Variants in L3MBTL4 observed in about 807,000 individuals in gnomAD.
L3MBTL4 encodes the protein lethal(3)malignant brain tumor-like protein 4.
In L3MBTL4, 70 loss-of-function variants were observed where a neutral mutation model predicts 84.5. The ratio of observed to expected loss-of-function variants is 0.83; its 90% CI spans 0.68 to 1.01. The LOEUF is 1.01. L3MBTL4 is among the 50% of genes least tolerant of loss of function. The pLI is 0.00. For missense variants in L3MBTL4, 715 were observed against 754.8 expected, an observed-to-expected ratio of 0.95 and a Z score of 0.62; for synonymous variants, 274 against 259.8, an observed-to-expected ratio of 1.05 and a Z score of -0.52.
At chr18:6,359,847 G>T (rs1050070870) in intron 1 of L3MBTL4, among the ~76,000 whole-genome samples, 2 of 151,872 alleles carry the variant, frequency 1.3e-5, no homozygotes, top group Non-Finnish European at 2.9e-5. Context: ...CTCCTAGTGT[G>T]GGGGGCAAGC....
At chr18:6,267,149 A>G (rs2048670369) in intron 4 of L3MBTL4, among the ~76,000 whole-genome samples, 1 of 152,210 alleles carries the variant, frequency 6.6e-6, no homozygotes. Context: ...AACATAGCTA[A>G]TAAAGAAAAA....
intron 5 of L3MBTL4, among the ~76,000 whole-genome samples, chr18:6,251,398 A>G (rs1247306893): frequency 6.6e-6 from 1 of 152,268 alleles, no homozygotes; most frequent in Non-Finnish European, 1.5e-5. Context: ...AAGATAGAGA[A>G]GGAATAGTTA....
intron 16 of L3MBTL4, among the ~76,000 whole-genome samples, chr18:6,021,269 C>A (rs1362433455): frequency 6.6e-6 from 1 of 152,186 alleles, no homozygotes; most frequent in Non-Finnish European, 1.5e-5. Context: ...TCTGCAGAGG[C>A]AAAGGAATAT....
intron 16 of L3MBTL4, among the ~76,000 whole-genome samples, chr18:5,981,716 C>T (rs1471904687): frequency 6.6e-6 from 1 of 151,736 alleles, no homozygotes; most frequent in Non-Finnish European, 1.5e-5. Context: ...TCCGAAGACA[C>T]TTGAGTCCAG....
At chr18:6,169,725 G>A (rs934929313) in intron 13 of L3MBTL4, among the ~76,000 whole-genome samples, 2 of 151,600 alleles carry the variant, frequency 1.3e-5, no homozygotes, top group South Asian at 2.1e-4. Flanking sequence ...TATACCTAAT[G>A]CTAAATGGCG....
At chr18:6,030,962 A>G in intron 16 of L3MBTL4, 1 of 984,982 alleles carries the variant, frequency 1.0e-6, no homozygotes, top group Non-Finnish European at 1.2e-6. Flanking sequence ...CAATGAACGA[A>G]CAAACAAATT....
intron 13 of L3MBTL4, among the ~76,000 whole-genome samples, chr18:6,148,771 T>A (rs1256311304): frequency 6.6e-6 from 1 of 151,958 alleles, no homozygotes; most frequent in Non-Finnish European, 1.5e-5. Flanking sequence ...ATGTTAAGAG[T>A]TATTGGCATA....
chr18:6,138,367 A>C lies in L3MBTL4; in HGVS notation c.1097-71T>G, dbSNP rs1036647393. ...AAGACTGCAAATCTGAAATATGTAA[A>C]TGATGCTAATTAAGACTTTACAAAT... On this transcript the variant is annotated intron_variant, in intron 13 of 18. Coordinates refer to ENST00000317931, the MANE Select transcript of L3MBTL4 (RefSeq NM_001330559.2). 14 of 916,944 alleles carry C rather than the reference A, an allele frequency of 1.5e-5. No homozygotes were observed. In the Admixed American group the frequency reaches 1.8e-4, roughly 12 times the overall value. The allele number at this position is 916,944 out of a possible 1,614,324, so 56.8% of individuals were successfully genotyped here. A position where few individuals can be genotyped will look rare whatever the true frequency, so the allele number is the denominator to read the frequency against.
intron 14 of L3MBTL4, among the ~76,000 whole-genome samples, chr18:6,127,066 A>C (rs1288449927): frequency 2.6e-5 from 4 of 152,216 alleles, no homozygotes; most frequent in Non-Finnish European, 2.9e-5. Context: ...GTGCATAAAA[A>C]TTAAAGCCGT....
At chr18:6,153,715 A>G (rs779126633) in intron 13 of L3MBTL4, among the ~76,000 whole-genome samples, 3 of 152,156 alleles carry the variant, frequency 2.0e-5, no homozygotes, top group Non-Finnish European at 4.4e-5. Context: ...GGTTTTCCCC[A>G]TGCTGTTCTC....
intron 4 of L3MBTL4, among the ~76,000 whole-genome samples, chr18:6,298,228 T>A (rs1347155381): frequency 6.6e-6 from 1 of 152,194 alleles, no homozygotes; most frequent in Non-Finnish European, 1.5e-5. Flanking sequence ...TTTGGTAAGT[T>A]AAAAAATATC....
At chr18:6,361,400 A>T (rs2053688626) in intron 1 of L3MBTL4, among the ~76,000 whole-genome samples, 2 of 152,160 alleles carry the variant, frequency 1.3e-5, no homozygotes, top group Admixed American at 6.5e-5. Context: ...AAATTTTTGC[A>T]TGGGAAGTTG....
intron 4 of L3MBTL4, among the ~76,000 whole-genome samples, chr18:6,271,699 G>T (rs944202531): frequency 6.6e-6 from 1 of 152,216 alleles, no homozygotes; most frequent in Non-Finnish European, 1.5e-5. Context: ...AAGAAGAGCC[G>T]AGGTCAGGGG....
chr18:6,190,640 A>C (rs946701859), intron 12 of L3MBTL4, among the ~76,000 whole-genome samples: 36 of 152,212 alleles, frequency 2.4e-4, no homozygotes, highest in African/African-American at 8.4e-4. Flanking sequence ...TGAACAAAAC[A>C]GGGGAAAAAA....
At chr18:6,188,781 G>A (rs2044915428) in intron 12 of L3MBTL4, among the ~76,000 whole-genome samples, 1 of 152,258 alleles carries the variant, frequency 6.6e-6, no homozygotes, top group Non-Finnish European at 1.5e-5. Context: ...CACAGAGGCT[G>A]TGGGGAGGGC....
At chr18:6,171,033 A>T (rs1420449767) in intron 13 of L3MBTL4, among the ~76,000 whole-genome samples, 1 of 152,162 alleles carries the variant, frequency 6.6e-6, no homozygotes, top group Admixed American at 6.5e-5. Context: ...TTAGTCAGGG[A>T]TTCTTCTCAT....
intron 10 of L3MBTL4, among the ~76,000 whole-genome samples, chr18:6,226,113 A>G (rs2046772087): frequency 6.6e-6 from 1 of 151,570 alleles, no homozygotes; most frequent in East Asian, 1.9e-4. Flanking sequence ...AAATCACTGT[A>G]AAAGATAATG....
chr18:6,156,970 A>C (rs977643340), intron 13 of L3MBTL4, among the ~76,000 whole-genome samples: 2 of 152,244 alleles, frequency 1.3e-5, no homozygotes, highest in Non-Finnish European at 2.9e-5. Flanking sequence ...AAGTAAATGG[A>C]TTCTGCCCTC....
At chr18:6,007,193 T>C (rs2054525571) in intron 16 of L3MBTL4, among the ~76,000 whole-genome samples, 1 of 152,074 alleles carries the variant, frequency 6.6e-6, no homozygotes, top group African/African-American at 2.4e-5. Flanking sequence ...AAAAACCATT[T>C]GCGACTCATA....
Sources: gnomAD v4.1 joint callset for allele counts (sites outside exome capture counted in the v4.1 genomes callset) on GRCh38, gnomAD v4.1.1 for gene constraint, MANE v1.5 for transcripts, NCBI Gene and HGNC (gene_info 2026-07-23, HGNC 2026-07-21) for gene names.